Variants in CELF2 observed in about 807,000 individuals in gnomAD.
The protein encoded by CELF2 is CUGBP Elav-like family member 2, also known as CUG triplet repeat RNA-binding protein 2.
Under a neutral mutation model 62.6 loss-of-function variants are expected in CELF2, and 8 were observed. The ratio of observed to expected loss-of-function variants is 0.13; its 90% CI spans 0.07 to 0.23. CELF2 has a LOEUF of 0.23. CELF2 is among the 10% of genes least tolerant of loss of function. CELF2 has a pLI of 1.00. For missense variants in CELF2, 333 were observed against 671.0 expected, an observed-to-expected ratio of 0.50 and a Z score of 5.56; for synonymous variants, 258 against 250.0, an observed-to-expected ratio of 1.03 and a Z score of -0.30.
rs2065209827 is a variant in CELF2, at chr10:11,159,436, C to T, written c.75-6050C>T. Reference sequence around the variant, plus strand: ...TGCATTTTAAAAGGGAGTTGCAATTCCCAGAGCTCTGGGTTGGATGACCAC... The same window carrying T: ...TGCATTTTAAAAGGGAGTTGCAATTTCCAGAGCTCTGGGTTGGATGACCAC... On this transcript the variant is annotated intron_variant, in intron 1 of 12. Coordinates refer to ENST00000633077, the MANE Select transcript of CELF2 (RefSeq NM_001326342.2). This position sits in a 1 kb window ranked among gnomAD's most constrained non-coding sequence, Gnocchi z 5.0. Among the ~76,000 whole-genome samples the T allele has an allele frequency of 6.6e-6, 1 of 152,134 alleles. No homozygotes were observed. Among genetic ancestry groups the T allele is most frequent in the African/African-American group, 2.4e-5 (1 of 41,434 alleles).
chr10:10,737,062 T>G, the CELF2 span, among the ~76,000 whole-genome samples: 2 of 152,202 alleles, frequency 1.3e-5, no homozygotes, highest in African/African-American at 4.8e-5. Flanking sequence ...TGGTAGTTTC[T>G]GAGATGTTTC....
chr10:11,129,290 T>C (rs1400978809), intron 1 of CELF2, among the ~76,000 whole-genome samples: 1 of 152,248 alleles, frequency 6.6e-6, no homozygotes, highest in Non-Finnish European at 1.5e-5. Context: ...CAGTATTTTA[T>C]TGAGAATTTT....
intron 1 of CELF2, among the ~76,000 whole-genome samples, chr10:10,918,226 G>A (rs759592404): frequency 1.3e-5 from 2 of 152,214 alleles, no homozygotes; most frequent in Non-Finnish European, 1.5e-5. Flanking sequence ...AGGCTAAATA[G>A]GGAGGGGTAT....
the CELF2 span, among the ~76,000 whole-genome samples, chr10:10,509,731 C>A: frequency 1.3e-5 from 2 of 152,160 alleles, no homozygotes; most frequent in African/African-American, 2.4e-5. Context: ...TTGAGATTAG[C>A]CACACATACT....
At chr10:10,666,387 C>T in the CELF2 span, among the ~76,000 whole-genome samples, 1 of 152,278 alleles carries the variant, frequency 6.6e-6, no homozygotes, top group Admixed American at 6.5e-5. Context: ...CACGCTCCTC[C>T]ACCTCCAACT....
At chr10:10,940,418 G>A (rs2046927080) in intron 2 of CELF2, among the ~76,000 whole-genome samples, 1 of 152,180 alleles carries the variant, frequency 6.6e-6, no homozygotes, top group African/African-American at 2.4e-5. Flanking sequence ...GTCATGCAGG[G>A]AAAGGAGTAG....
At chr10:10,492,020 G>A in the CELF2 span, among the ~76,000 whole-genome samples, 2 of 151,494 alleles carry the variant, frequency 1.3e-5, no homozygotes, top group Non-Finnish European at 2.9e-5. Flanking sequence ...CTCACTTCTT[G>A]TGCTATTCCA....
intron 1 of CELF2, among the ~76,000 whole-genome samples, chr10:11,113,844 C>G (rs2055874179): frequency 6.6e-6 from 1 of 152,166 alleles, no homozygotes; most frequent in Non-Finnish European, 1.5e-5. Flanking sequence ...TGACAGGTGT[C>G]ATTTTCGAGG....
chr10:10,469,283 A>C, the CELF2 span, among the ~76,000 whole-genome samples: 3 of 151,872 alleles, frequency 2.0e-5, no homozygotes, highest in Non-Finnish European at 2.9e-5. Flanking sequence ...ATTCTTTCCA[A>C]CTGTATGTCT....
In CELF2 at chr10:11,321,456, G is replaced by A. The variant is rs2095431857; in HGVS notation, c.1294+70G>A. 7.9e-7 allele frequency: 1 copy of A among 1,261,910 alleles called. No individual in the cohort carries two copies. Among genetic ancestry groups the A allele is most frequent in the Admixed American group, 2.1e-5 (1 of 46,938 alleles). The allele number at this position is 1,261,910 out of a possible 1,614,324, so 78.2% of individuals were successfully genotyped here. On this transcript the variant is annotated intron_variant, in intron 11 of 12. Coordinates refer to ENST00000633077, the MANE Select transcript of CELF2 (RefSeq NM_001326342.2). This position sits in a 1 kb window ranked among gnomAD's most constrained non-coding sequence, Gnocchi z 6.2. Reference sequence around the variant, plus strand: ...AGCACTGGCCTCTAGAGCACGGTTAGAAGGTATCAAATTGAACTGAACCCA... The same window carrying A: ...AGCACTGGCCTCTAGAGCACGGTTAAAAGGTATCAAATTGAACTGAACCCA...
chr10:10,941,268 G>A (rs2047018981), intron 2 of CELF2, among the ~76,000 whole-genome samples: 1 of 152,148 alleles, frequency 6.6e-6, no homozygotes, highest in South Asian at 2.1e-4. Context: ...GAGAGTGCTG[G>A]AGTGTTTTCC....
intron 1 of CELF2, among the ~76,000 whole-genome samples, chr10:11,009,017 G>C (rs894888963): frequency 5.0e-5 from 6 of 120,444 alleles, no homozygotes; most frequent in Non-Finnish European, 8.7e-5. Flanking sequence ...GGGGGGGGGG[G>C]GGAGCATTCC....
At chr10:11,089,295 T>C (rs1355103670) in intron 1 of CELF2, among the ~76,000 whole-genome samples, 4 of 152,202 alleles carry the variant, frequency 2.6e-5, no homozygotes, top group Non-Finnish European at 5.9e-5. Flanking sequence ...AGATGACTAA[T>C]TCAGTTAACA....
At chr10:11,137,424 G>A (rs1275547219) in intron 1 of CELF2, among the ~76,000 whole-genome samples, 4 of 152,242 alleles carry the variant, frequency 2.6e-5, no homozygotes, top group Admixed American at 2.0e-4. Flanking sequence ...GTACAATGCT[G>A]TGGGTAAGAG....
rs1290311121 is a variant in CELF2 at position 11,311,992 on chromosome 10, T to C, written c.977-2147T>C. On this transcript the variant is annotated intron_variant, in intron 9 of 12. Transcript: ENST00000633077. The surrounding 1 kb of genome is among the most constrained non-coding windows in gnomAD (Gnocchi z 4.7). ...AGTGAAAATAAAAATCAATCTAAAC[T>C]TGGAAGCACCATAGTGATAAATGCA... 6.6e-6 allele frequency among the ~76,000 whole-genome samples: 1 copy of C among 152,098 alleles called. No homozygotes were observed. Among genetic ancestry groups the C allele is most frequent in the Non-Finnish European group, 1.5e-5 (1 of 68,012 alleles).
At chr10:11,016,303 G>T (rs1233911869), upstream of CELF2, among the ~76,000 whole-genome samples, 2 of 152,156 alleles carry the variant, frequency 1.3e-5, no homozygotes, top group African/African-American at 4.8e-5. This position sits in a 1 kb window ranked among gnomAD's most constrained non-coding sequence, Gnocchi z 5.2. Flanking sequence ...CCATTCCTCA[G>T]TTCCTTAGGA....
intron 2 of CELF2, among the ~76,000 whole-genome samples, chr10:10,944,904 G>A (rs190114041): frequency 7.9e-4 from 121 of 152,226 alleles, no homozygotes; most frequent in African/African-American, 2.8e-3. Flanking sequence ...CATCCAGCCA[G>A]ATGTTTCTTA....
intron 2 of CELF2, among the ~76,000 whole-genome samples, chr10:10,949,025 C>T (rs2048010979): frequency 6.6e-6 from 1 of 152,124 alleles, no homozygotes; most frequent in African/African-American, 2.4e-5. Flanking sequence ...CACGCACACA[C>T]AAACAGCAGG....
intron 1 of CELF2, among the ~76,000 whole-genome samples, chr10:11,067,880 G>C (rs550833048): frequency 3.3e-5 from 5 of 152,268 alleles, no homozygotes; most frequent in Non-Finnish European, 7.4e-5. Flanking sequence ...ATATTCAGTT[G>C]GCAAGATTTT....
Sources: allele counts gnomAD v4.1 joint callset (sites outside exome capture counted in the v4.1 genomes callset), GRCh38; gene constraint gnomAD v4.1.1; non-coding constraint Gnocchi (gnomAD v3.1); transcripts MANE v1.5; gene names NCBI Gene and HGNC (gene_info 2026-07-23, HGNC 2026-07-21).